The following TRDN variants were observed in gnomAD, a reference collection of about 807,000 sequenced individuals.
The protein encoded by TRDN is triadin in skeletal muscle.
In TRDN, 161 loss-of-function variants were observed where a neutral mutation model predicts 149.7. The ratio of observed to expected loss-of-function variants is 1.08; its 90% CI spans 0.95 to 1.23. The LOEUF (loss-of-function observed/expected upper bound fraction) is 1.23, where lower values mean the gene tolerates loss of function less well. Among genes scored for constraint, TRDN ranks in the 50% most tolerant of loss-of-function variants. The pLI, the probability that TRDN is intolerant of heterozygous loss-of-function variation, is 0.00. For synonymous variants in TRDN, 294 were observed against 250.5 expected (o/e 1.17, Z -1.64); for missense variants, 896 against 823.5 (o/e 1.09, Z -1.08).
chr6:123,455,862 A>G (rs1184372050), intron 10 of TRDN, among the ~76,000 whole-genome samples: 3 of 152,216 alleles, frequency 2.0e-5, no homozygotes, highest in Admixed American at 1.3e-4. Context: ...TATTTTATCT[A>G]TATGTTTTTC....
chr6:123,526,159 G>T (rs908399141), intron 5 of TRDN, among the ~76,000 whole-genome samples: 2 of 151,944 alleles, frequency 1.3e-5, no homozygotes, highest in African/African-American at 4.8e-5. Context: ...GTAGAAAGGG[G>T]ATTTAAAGAT....
At chr6:123,474,789 C>T (rs1777375293) in intron 9 of TRDN, among the ~76,000 whole-genome samples, 1 of 151,904 alleles carries the variant, frequency 6.6e-6, no homozygotes, top group African/African-American at 2.4e-5. Context: ...AACCGCTCAA[C>T]TACATGGAAA....
chr6:123,357,191 A>C (rs1029146046), intron 20 of TRDN, among the ~76,000 whole-genome samples: 3 of 152,026 alleles, frequency 2.0e-5, no homozygotes, highest in African/African-American at 7.2e-5. Flanking sequence ...TGTATTACTT[A>C]CATTTACCAT....
chr6:123,401,159 A>G (rs1337243019), intron 12 of TRDN, among the ~76,000 whole-genome samples: 2 of 152,182 alleles, frequency 1.3e-5, no homozygotes, highest in East Asian at 1.9e-4. Context: ...TTTTTCCTCT[A>G]CAGTTCTATA....
intron 20 of TRDN, among the ~76,000 whole-genome samples, chr6:123,356,516 T>TATGTATATATATACATATATATATAC (rs1780685306): frequency 6.4e-5 from 1 of 15,696 alleles, no homozygotes; most frequent in African/African-American, 2.2e-4. Flanking sequence ...TATATATATA[T>TATGTATATATATACATATATATATAC]ATATATATAT....
chr6:123,254,282 T>C (rs1031909297), intron 37 of TRDN, among the ~76,000 whole-genome samples: 4 of 152,074 alleles, frequency 2.6e-5, no homozygotes, highest in Non-Finnish European at 5.9e-5. Context: ...TTAATATTAG[T>C]GATAATTATG....
intron 5 of TRDN, among the ~76,000 whole-genome samples, chr6:123,516,902 C>T (rs1479360971): frequency 6.6e-6 from 1 of 152,064 alleles, no homozygotes; most frequent in Non-Finnish European, 1.5e-5. Flanking sequence ...ATTCACCACG[C>T]TCTTTCAATC....
At chr6:123,502,505 A>T in intron 8 of TRDN, 1 of 924,116 alleles carries the variant, frequency 1.1e-6, no homozygotes, top group Admixed American at 6.2e-5. Context: ...ATATATTTTT[A>T]AAATATGTAT....
chr6:123,373,437 G>A (rs1410936770), intron 19 of TRDN, among the ~76,000 whole-genome samples: 1 of 152,122 alleles, frequency 6.6e-6, no homozygotes, highest in Non-Finnish European at 1.5e-5. Context: ...CCCAGTGTGG[G>A]ATATGTCTTT....
At chr6:123,515,428 A>G (rs995584349) in intron 6 of TRDN, among the ~76,000 whole-genome samples, 1 of 152,056 alleles carries the variant, frequency 6.6e-6, no homozygotes, top group Non-Finnish European at 1.5e-5. Flanking sequence ...GAACATTCTC[A>G]TTTAAACACT....
At chr6:123,336,398 C>A (rs1779870314) in intron 22 of TRDN, among the ~76,000 whole-genome samples, 1 of 151,934 alleles carries the variant, frequency 6.6e-6, no homozygotes. Flanking sequence ...ATCAAGGTGC[C>A]TGGCAAAGAG....
At chr6:123,603,270 T>C (rs1388994636) in intron 1 of TRDN, among the ~76,000 whole-genome samples, 1 of 136,372 alleles carries the variant, frequency 7.3e-6, no homozygotes, top group Non-Finnish European at 1.6e-5. Flanking sequence ...ATGTCAACAC[T>C]TGATTTTTAT....
At chr6:123,567,153 G>A (rs1048975428) in intron 2 of TRDN, among the ~76,000 whole-genome samples, 6 of 152,158 alleles carry the variant, frequency 3.9e-5, no homozygotes, top group Non-Finnish European at 7.3e-5. Flanking sequence ...AGGTAACCAA[G>A]TGTCTTTTAC....
intron 39 of TRDN, 122 bp downstream of exon 39, chr6:123,223,971 A>G (rs1481735122): frequency 6.5e-6 from 5 of 768,714 alleles, no homozygotes; most frequent in Non-Finnish European, 1.0e-5. Context: ...CTACCATGTA[A>G]ATGTTGCCTA....
At chr6:123,284,753 C>T (rs904905029) in intron 24 of TRDN, among the ~76,000 whole-genome samples, 15 of 151,898 alleles carry the variant, frequency 9.9e-5, no homozygotes, top group East Asian at 1.9e-4. Context: ...TATAATTATA[C>T]GCCCAGAAAA....
intron 33 of TRDN, among the ~76,000 whole-genome samples, chr6:123,264,766 G>A (rs927001462): frequency 6.6e-6 from 1 of 151,958 alleles, no homozygotes; most frequent in African/African-American, 2.4e-5. Context: ...TCATCAGTTA[G>A]CACCCATCAA....
intron 38 of TRDN, among the ~76,000 whole-genome samples, chr6:123,246,617 C>T (rs557122164): frequency 7.3e-5 from 11 of 151,556 alleles, no homozygotes; most frequent in Non-Finnish European, 1.5e-4. Flanking sequence ...AAAAAAAAGG[C>T]CCACGAGCAG....
chr6:123,228,861 AC>A (rs1334661804), intron 38 of TRDN, among the ~76,000 whole-genome samples: 1 of 151,710 alleles, frequency 6.6e-6, no homozygotes, highest in Non-Finnish European at 1.5e-5. Context: ...CATTCCACTA[AC>A]CCCCTTAAAA....
chr6:123,288,793 C>A (rs1777888828), intron 24 of TRDN, among the ~76,000 whole-genome samples: 4 of 151,966 alleles, frequency 2.6e-5, no homozygotes. Context: ...TAAATTAGTA[C>A]AGGCACTTTG....
Sources: allele counts gnomAD v4.1 joint callset (sites outside exome capture counted in the v4.1 genomes callset), GRCh38; gene constraint gnomAD v4.1.1; transcripts MANE v1.5; gene names NCBI Gene and HGNC (gene_info 2026-07-23, HGNC 2026-07-21).